The following DYSF variants were observed in gnomAD, a reference collection of about 807,000 sequenced individuals.
DYSF encodes the protein dysferlin, also known as dystrophy-associated fer-1-like 1.
DYSF carries 212 observed loss-of-function variants against 274.9 expected under a neutral mutation model. The observed-to-expected ratio is 0.77, with a 90% CI of 0.69 to 0.86. The LOEUF is 0.86. Among genes scored for constraint, DYSF ranks in the 40% least tolerant of loss-of-function variants. The pLI is 0.00. For synonymous variants in DYSF, 1,091 were observed against 1,078.7 expected (o/e 1.01, Z -0.22); for missense variants, 2,666 against 2,783.2 (o/e 0.96, Z 0.95).
chr2:71,626,241 GT>G (rs1327403256), intron 41 of DYSF, among the ~76,000 whole-genome samples: 2 of 151,564 alleles, frequency 1.3e-5, no homozygotes, highest in African/African-American at 2.4e-5. Flanking sequence ...ATGTTTTTAT[GT>G]TTTACCACTG....
chr2:71,509,378 G>A (rs1377568479), intron 4 of DYSF, among the ~76,000 whole-genome samples: 1 of 151,690 alleles, frequency 6.6e-6, no homozygotes, highest in Non-Finnish European at 1.5e-5. Context: ...GTCCAGGCTG[G>A]TTTTGAACTC....
chr2:71,511,926 G>A lies in DYSF; in HGVS notation c.460+5G>A. 1 of 1,533,960 alleles carries A rather than the reference G, an allele frequency of 6.5e-7. No individual in the cohort carries two copies. Among genetic ancestry groups the A allele is most frequent in the South Asian group, 1.2e-5 (1 of 83,672 alleles). On this transcript the variant is annotated splice_donor_5th_base_variant and intron_variant, in intron 5 of 55. Coordinates refer to ENST00000410020, the MANE Select transcript of DYSF (RefSeq NM_001130987.2). Reference sequence around the variant, plus strand: ...CTGACCTGGATGTAGTGGCAGGTGGGTAGCCCACGTTGGCCTGGCTGGGCC... The same window carrying A: ...CTGACCTGGATGTAGTGGCAGGTGGATAGCCCACGTTGGCCTGGCTGGGCC...
intron 16 of DYSF, 47 bp downstream of exon 16, chr2:71,535,358 G>A (rs1559100813): frequency 3.8e-6 from 6 of 1,560,460 alleles, no homozygotes; most frequent in Non-Finnish European, 5.3e-6. Context: ...TCCTGAGGGG[G>A]CGCTGGGTCC....
rs1442583354 is a variant in DYSF at position 71,590,277 on chromosome 2, A to T, written c.3563A>T (p.Asp1188Val). The T allele has an allele frequency of 6.2e-7, 1 of 1,613,852 alleles. No individual in the cohort carries two copies. The highest frequency in any genetic ancestry group is 1.7e-5 in the Admixed American group (1 of 59,996). Reference sequence around the variant, plus strand: ...CGGGACCTGGCTGCGATGGACAAGGACTCTTTTTCTGGTAGGTGGGAGAGA... The same window carrying T: ...CGGGACCTGGCTGCGATGGACAAGGTCTCTTTTTCTGGTAGGTGGGAGAGA... ...QARDLAAMDK[D>V]SFSDPYAIVS... The change falls in exon 32 of 56, where the codon GAC becomes GTC. Residue 1188 changes from aspartate to valine, a missense_variant. Asp to Val is a radical substitution (Grantham distance 152). Around this residue, in one of 3 missense-constraint regions of DYSF, gnomAD observed 1,460 missense variants for 1,502.1 expected, o/e 0.97. Coordinates refer to ENST00000410020, the MANE Select transcript of DYSF (RefSeq NM_001130987.2).
At chr2:71,606,269 T>C (rs562430500) in intron 36 of DYSF, among the ~76,000 whole-genome samples, 1 of 152,224 alleles carries the variant, frequency 6.6e-6, no homozygotes, top group South Asian at 2.1e-4. Context: ...TGGTCTGGGC[T>C]GGCTTGATCA....
chr2:71,477,877 C>T (rs988494259), intron 1 of DYSF, among the ~76,000 whole-genome samples: 6 of 152,138 alleles, frequency 3.9e-5, no homozygotes, highest in Non-Finnish European at 8.8e-5. Context: ...ATAGGCCTCC[C>T]TTTCCAACTA....
intron 30 of DYSF, among the ~76,000 whole-genome samples, chr2:71,583,732 C>G (rs1333831284): frequency 6.6e-6 from 1 of 152,136 alleles, no homozygotes; most frequent in Non-Finnish European, 1.5e-5. Flanking sequence ...CTGGTGGGCT[C>G]GATCTTGGTA....
At chr2:71,526,421 C>CAAGGGG in intron 13 of DYSF, 75 bp downstream of exon 13, 1 of 272,074 alleles carries the variant, frequency 3.7e-6, no homozygotes, top group Non-Finnish European at 6.7e-6. Flanking sequence ...TGGGCGATGG[C>CAAGGGG]GGGCGGGGTC....
intron 28 of DYSF, 32 bp downstream of exon 28, chr2:71,570,366 TC>T (rs1317221507): frequency 1.9e-6 from 3 of 1,602,844 alleles, no homozygotes; most frequent in Admixed American, 3.3e-5. Flanking sequence ...GCGAGCCCCA[TC>T]CCCGGCAAGC....
At chr2:71,455,179 G>A (rs548027066) in intron 1 of DYSF, among the ~76,000 whole-genome samples, 245 of 152,316 alleles carry the variant, frequency 1.6e-3, no homozygotes, top group Admixed American at 6.1e-3. Flanking sequence ...ACCCTGGAGC[G>A]TGTGGGACAC....
intron 40 of DYSF, among the ~76,000 whole-genome samples, chr2:71,617,899 G>A (rs2093941083): frequency 9.4e-6 from 1 of 105,830 alleles, no homozygotes; most frequent in Non-Finnish European, 2.0e-5. Context: ...GTAGAGGTGT[G>A]TTTGTGGTAG....
At chr2:71,618,270 TGTGTGTGTGGTAGAG>T in intron 40 of DYSF, among the ~76,000 whole-genome samples, 1 of 16,506 alleles carries the variant, frequency 6.1e-5, no homozygotes, top group Non-Finnish European at 1.1e-4. Context: ...GGTAGAGGTG[TGTGTGTGTGGTAGAG>T]GTGTGTGTGT....
intron 29 of DYSF, among the ~76,000 whole-genome samples, chr2:71,571,080 C>T (rs1412203726): frequency 2.1e-5 from 3 of 141,954 alleles, no homozygotes; most frequent in Non-Finnish European, 4.5e-5. Context: ...ACACAGATTA[C>T]ACCCAGCACA....
rs568947115 is a variant in DYSF at position 71,615,855 on chromosome 2, C to T, written c.4464+2445C>T. On this transcript the variant is annotated intron_variant, in intron 40 of 55. Transcript: ENST00000410020. The surrounding 1 kb of genome is among the most constrained non-coding windows in gnomAD (Gnocchi z 4.9). Reference sequence around the variant, plus strand: ...TTTGGCTGGCTTCTGTCTGCCCCACCGGTGTTTCTCGGCAGCCTGTTCCAT... The same window carrying T: ...TTTGGCTGGCTTCTGTCTGCCCCACTGGTGTTTCTCGGCAGCCTGTTCCAT... 1.1e-4 allele frequency among the ~76,000 whole-genome samples: 17 copies of T among 152,318 alleles called. No individual in the cohort carries two copies. The highest frequency in any genetic ancestry group is 2.1e-4 in the Non-Finnish European group (14 of 68,022).
chr2:71,625,675 T>C (rs2094195400), intron 41 of DYSF, among the ~76,000 whole-genome samples: 1 of 152,036 alleles, frequency 6.6e-6, no homozygotes, highest in Non-Finnish European at 1.5e-5. Context: ...TAGAATCAGC[T>C]TGTCAACTTA....
Position 71,561,751 on chromosome 2 carries a change from G to A in DYSF, c.2217-1G>A. 1 of 1,614,162 alleles carries A rather than the reference G, an allele frequency of 6.2e-7. No individual in the cohort carries two copies. Among genetic ancestry groups the A allele is most frequent in the South Asian group, 1.1e-5 (1 of 91,082 alleles). On this transcript the variant is annotated splice_acceptor_variant, in intron 22 of 55. Coordinates refer to ENST00000410020, the MANE Select transcript of DYSF (RefSeq NM_001130987.2). LOFTEE classifies it high-confidence loss of function. ...GCATTCCATCTGTCCGTCCCTCACAGCCAGCCTCTGGGTGACATCCATGAG... is the reference window on the plus strand; with the variant it reads ...GCATTCCATCTGTCCGTCCCTCACAACCAGCCTCTGGGTGACATCCATGAG...
At chr2:71,560,639 T>C (rs1476810620) in intron 22 of DYSF, among the ~76,000 whole-genome samples, 1 of 152,118 alleles carries the variant, frequency 6.6e-6, no homozygotes, top group African/African-American at 2.4e-5. Flanking sequence ...AAAAATGTAG[T>C]GCGCCGAGGG....
At chr2:71,592,485 T>C (rs1043964377) in intron 32 of DYSF, among the ~76,000 whole-genome samples, 1 of 152,246 alleles carries the variant, frequency 6.6e-6, no homozygotes, top group African/African-American at 2.4e-5. Context: ...AGAGTGTTTA[T>C]TTTCACTCCC....
Position 71,466,973 on chromosome 2 carries a change from A to G in DYSF, c.91+40A>G, listed in dbSNP as rs944131345. 7.8e-6 allele frequency: 12 copies of G among 1,538,718 alleles called. No individual in the cohort carries two copies. The African/African-American group carries it at 1.6e-4, about 21-fold the overall frequency. Reference sequence around the variant, plus strand: ...GCTGCCGCGCCCATGCTCGGGTGCTACCCGACTCTCGGCGCTCACTGGCGG... The same window carrying G: ...GCTGCCGCGCCCATGCTCGGGTGCTGCCCGACTCTCGGCGCTCACTGGCGG... On this transcript the variant is annotated intron_variant, in intron 1 of 55. Coordinates refer to ENST00000410020, the MANE Select transcript of DYSF (RefSeq NM_001130987.2).
Sources: allele counts gnomAD v4.1 joint callset (sites outside exome capture counted in the v4.1 genomes callset), GRCh38; gene constraint gnomAD v4.1.1; regional missense constraint gnomAD v4.1.1; non-coding constraint Gnocchi (gnomAD v3.1); transcripts MANE v1.5; gene names NCBI Gene and HGNC (gene_info 2026-07-23, HGNC 2026-07-21).